Variants in THSD4 observed in about 807,000 individuals in gnomAD.
THSD4 encodes the protein thrombospondin type 1 domain containing 4, also known as thrombospondin type-1 domain-containing protein 4.
In THSD4, 69 loss-of-function variants were observed where a neutral mutation model predicts 119.0. The observed-to-expected ratio is 0.58, with a 90% CI of 0.48 to 0.71. The LOEUF (loss-of-function observed/expected upper bound fraction) is 0.71. Ranked by LOEUF, THSD4 falls within the 30% of genes least tolerant of loss-of-function variation. THSD4 has a pLI of 0.00. For synonymous variants in THSD4, 524 were observed against 540.4 expected (o/e 0.97, Z 0.42); for missense variants, 1,393 against 1,391.1 (o/e 1.00, Z -0.02).
At chr15:71,370,830 T>C (rs1047907205) in intron 6 of THSD4, among the ~76,000 whole-genome samples, 4 of 152,224 alleles carry the variant, frequency 2.6e-5, no homozygotes, top group Admixed American at 6.5e-5. Flanking sequence ...AATTCCTGGA[T>C]ATCCTTGTTA....
chr15:71,556,936 TTC>T (rs1163840625), intron 7 of THSD4, among the ~76,000 whole-genome samples: 2 of 152,178 alleles, frequency 1.3e-5, no homozygotes, highest in African/African-American at 4.8e-5. Flanking sequence ...TATATCTAAT[TTC>T]TTTTTTAATG....
At chr15:71,687,769 A>C (rs28461317) in intron 8 of THSD4, among the ~76,000 whole-genome samples, 4 of 56,172 alleles carry the variant, frequency 7.1e-5, no homozygotes, top group African/African-American at 1.1e-4. Flanking sequence ...AAAAAAAAAA[A>C]AAACAAACCA....
intron 3 of THSD4, chr15:71,164,759 C>G (rs1323648146): frequency 1.3e-6 from 2 of 1,592,214 alleles, no homozygotes; most frequent in African/African-American, 2.7e-5. Context: ...AAAAACTGCG[C>G]TAGAACCAAC....
At chr15:71,344,482 T>C (rs538883069) in intron 6 of THSD4, among the ~76,000 whole-genome samples, 1 of 152,190 alleles carries the variant, frequency 6.6e-6, no homozygotes, top group African/African-American at 2.4e-5. Flanking sequence ...TATGGAGCAT[T>C]GACGACCTCT....
chr15:71,607,728 A>G (rs942251999), intron 7 of THSD4, among the ~76,000 whole-genome samples: 2 of 152,172 alleles, frequency 1.3e-5, no homozygotes, highest in East Asian at 1.9e-4. Flanking sequence ...ACATGAGGGC[A>G]TGTGGAAGGG....
chr15:71,588,457 C>T (rs969231861), intron 7 of THSD4, among the ~76,000 whole-genome samples: 3 of 151,528 alleles, frequency 2.0e-5, no homozygotes, highest in Non-Finnish European at 4.4e-5. Context: ...GGGTCTCACT[C>T]CTGTCACCCA....
chr15:71,269,422 AT>A (rs1410383542), intron 6 of THSD4, among the ~76,000 whole-genome samples: 2 of 152,214 alleles, frequency 1.3e-5, no homozygotes, highest in Non-Finnish European at 2.9e-5. Context: ...AAAACTCTCA[AT>A]AAACTAGGTA....
chr15:71,506,666 T>C (rs1057387086), intron 7 of THSD4, among the ~76,000 whole-genome samples: 4 of 152,182 alleles, frequency 2.6e-5, no homozygotes, highest in African/African-American at 9.7e-5. Flanking sequence ...AAGGATCAGA[T>C]GATCCCATTG....
At chr15:71,323,473 C>G (rs907515173) in intron 6 of THSD4, among the ~76,000 whole-genome samples, 5 of 152,186 alleles carry the variant, frequency 3.3e-5, no homozygotes, top group Non-Finnish European at 5.9e-5. Flanking sequence ...CCAGTGGGGG[C>G]AGGTAGAAAA....
intron 1 of THSD4, among the ~76,000 whole-genome samples, chr15:71,132,181 G>A (rs2040509822): frequency 6.6e-6 from 1 of 152,176 alleles, no homozygotes; most frequent in South Asian, 2.1e-4. Context: ...TCATTGTGAA[G>A]GACCTTAGTC....
chr15:71,299,976 A>AAAAAAT (rs1555462049), intron 6 of THSD4, among the ~76,000 whole-genome samples: 2 of 48,320 alleles, frequency 4.1e-5, no homozygotes, highest in Admixed American at 2.8e-4. Context: ...AAAAAAAAAA[A>AAAAAAT]ATATATATAT....
In THSD4 at chr15:71,590,039, G is replaced by A. The variant is rs578143920; in HGVS notation, c.1153-70491G>A. Among the ~76,000 whole-genome samples the A allele has an allele frequency of 8.1e-4, 113 of 139,428 alleles. 16 individuals are homozygous for A. Among genetic ancestry groups the A allele is most frequent in the Admixed American group, 2.1e-3 (29 of 13,808 alleles). The allele number at this position is 139,428 out of a possible 152,430, so 91.5% of individuals were successfully genotyped here. A position where few individuals can be genotyped will look rare whatever the true frequency, so the allele number is the denominator to read the frequency against. Reference sequence around the variant, plus strand: ...ATTTCTAGATCTGTGCATATCAGTAGGAATATAAATATGCATGGAAATTAT... The same window carrying A: ...ATTTCTAGATCTGTGCATATCAGTAAGAATATAAATATGCATGGAAATTAT... On this transcript the variant is annotated intron_variant, in intron 7 of 17. Transcript: ENST00000261862.
chr15:71,572,268 A>G (rs1367520203), intron 7 of THSD4, among the ~76,000 whole-genome samples: 2 of 152,244 alleles, frequency 1.3e-5, no homozygotes, highest in Non-Finnish European at 2.9e-5. Flanking sequence ...GTTTTCCTGT[A>G]TCATTAAATA....
chr15:71,574,333 G>T (rs2049410341), intron 7 of THSD4, among the ~76,000 whole-genome samples: 1 of 152,014 alleles, frequency 6.6e-6, no homozygotes, highest in South Asian at 2.1e-4. Context: ...ATCCCCTTTT[G>T]CTGACAAGCA....
At chr15:71,612,340 T>A (rs2050246601) in intron 7 of THSD4, among the ~76,000 whole-genome samples, 2 of 152,224 alleles carry the variant, frequency 1.3e-5, no homozygotes, top group South Asian at 4.1e-4. Context: ...GAGGCCAGAT[T>A]TCTTCTGCAA....
At chr15:71,515,537 C>T (rs1390309371) in intron 7 of THSD4, among the ~76,000 whole-genome samples, 1 of 152,072 alleles carries the variant, frequency 6.6e-6, no homozygotes, top group African/African-American at 2.4e-5. Flanking sequence ...ATGTCTAAGA[C>T]AAGGGGATTG....
intron 8 of THSD4, among the ~76,000 whole-genome samples, chr15:71,711,849 A>G (rs1018913977): frequency 2.0e-5 from 3 of 152,166 alleles, no homozygotes; most frequent in Admixed American, 2.0e-4. Flanking sequence ...TAACCAAGAA[A>G]ACATAACAGC....
At chr15:71,751,504 A>G (rs2053447989) in intron 14 of THSD4, among the ~76,000 whole-genome samples, 1 of 152,100 alleles carries the variant, frequency 6.6e-6, no homozygotes, top group Non-Finnish European at 1.5e-5. Flanking sequence ...ATGTATCTTT[A>G]TATCATAATG....
chr15:71,367,217 C>CT (rs565677357), intron 6 of THSD4, among the ~76,000 whole-genome samples: 38 of 138,826 alleles, frequency 2.7e-4, no homozygotes, highest in Non-Finnish European at 3.9e-4. Flanking sequence ...GCTAGGCTCT[C>CT]TTTTTTTTTT....
Sources: allele counts gnomAD v4.1 joint callset (sites outside exome capture counted in the v4.1 genomes callset), GRCh38; gene constraint gnomAD v4.1.1; transcripts MANE v1.5; gene names NCBI Gene and HGNC (gene_info 2026-07-23, HGNC 2026-07-21).